Variants in TNRC6B observed in about 807,000 individuals in gnomAD.
The protein encoded by TNRC6B is trinucleotide repeat-containing gene 6B protein.
TNRC6B carries 52 observed loss-of-function variants against 203.6 expected under a neutral mutation model. The ratio of observed to expected loss-of-function variants is 0.26; its 90% CI spans 0.20 to 0.32. TNRC6B has a LOEUF of 0.32. TNRC6B is among the 10% of genes least tolerant of loss of function. The pLI is 1.00. For missense variants in TNRC6B, 1,923 were observed against 2,286.2 expected, an observed-to-expected ratio of 0.84 and a Z score of 3.24; for synonymous variants, 838 against 845.7, an observed-to-expected ratio of 0.99 and a Z score of 0.16.
rs1284130359 is a variant in TNRC6B, at chr22:40,315,959, G to C, written c.4921G>C (p.Gly1641Arg). Residue 1641 changes from glycine to arginine, a missense_variant, in exon 21 of 23, where the codon GGT (glycine) becomes CGT (arginine). This residue lies in a region of TNRC6B where 159 missense variants were observed against 181.0 expected (regional missense o/e 0.88). Coordinates refer to ENST00000454349, the MANE Select transcript of TNRC6B (RefSeq NM_001162501.2). The stretch of plus-strand genomic sequence containing the variant: ...GCTCATAGCCTCTACCTGGAGTGAT[G>C]GTGGCTCAGTTCGTCCTAGTTACTG... The part of the protein sequence containing the change: ...RLASASTWSD[G>R]GSVRPSYWLV... 3 of 1,613,772 alleles carry C rather than the reference G, an allele frequency of 1.9e-6. No individual in the cohort carries two copies. The highest frequency in any genetic ancestry group is 2.5e-6 in the Non-Finnish European group (3 of 1,179,786).
rs145315804 is a variant in TNRC6B, at chr22:40,047,754, C to T, written c.-121+2756C>T. Among the ~76,000 whole-genome samples the T allele has an allele frequency of 8.8e-4, 134 of 152,166 alleles. 3 individuals are homozygous for T. The East Asian group carries it at 0.023, about 26-fold the overall frequency. ...CTCAAGAGTTCAAGGCTTTCAGAGC[C>T]CTTTGTGCAGATTGCTGCTCCAGTC... is the stretch of plus-strand genomic sequence containing the variant. On this transcript the variant is annotated intron_variant, in intron 1 of 23. Coordinates refer to the TNRC6B transcript ENST00000301923.
chr22:40,150,743 C>A (rs143922994), intron 3 of TNRC6B, among the ~76,000 whole-genome samples: 2 of 152,268 alleles, frequency 1.3e-5, no homozygotes, highest in Admixed American at 1.3e-4. Context: ...ATTCCCAGAA[C>A]ACTGAAAGCC....
intron 3 of TNRC6B, among the ~76,000 whole-genome samples, chr22:40,128,386 T>A (rs1315891006): frequency 6.6e-6 from 1 of 152,214 alleles, no homozygotes; most frequent in Non-Finnish European, 1.5e-5. Flanking sequence ...GGATGTCTGT[T>A]AACAGAAGGC....
At chr22:40,182,335 A>C (rs542635769) in intron 1 of TNRC6B, among the ~76,000 whole-genome samples, 109 of 152,316 alleles carry the variant, frequency 7.2e-4, no homozygotes, top group African/African-American at 2.6e-3. Context: ...CTTTAAGTGG[A>C]ACTTGTTTCT....
chr22:40,173,937 G>A (rs1439262114), upstream of TNRC6B, among the ~76,000 whole-genome samples: 1 of 149,380 alleles, frequency 6.7e-6, no homozygotes. Flanking sequence ...CCAAGTAGCT[G>A]GGATTACCAG....
intron 3 of TNRC6B, among the ~76,000 whole-genome samples, chr22:40,150,943 C>T (rs967118009): frequency 3.3e-5 from 5 of 152,152 alleles, no homozygotes; most frequent in Non-Finnish European, 7.3e-5. Flanking sequence ...TTACCCCTCC[C>T]CTCCTACACA....
chr22:40,068,507 G>A (rs554596663), intron 1 of TNRC6B, among the ~76,000 whole-genome samples: 3 of 152,002 alleles, frequency 2.0e-5, no homozygotes, highest in Admixed American at 6.6e-5. Context: ...TAATAGAGAC[G>A]AGGTCTCACC....
rs34140652 is a variant in TNRC6B at position 40,081,307 on chromosome 22, G to GTTT, written c.-120-35730_-120-35728dup. ...ATGATATTCCTTTAAGTGTCTGCGTGTTTTTTTTTTTTTTTTTTTTGCACA... is the reference window on the plus strand; with the variant it reads ...ATGATATTCCTTTAAGTGTCTGCGTGTTTTTTTTTTTTTTTTTTTTTTTGCACA... On this transcript the variant is annotated intron_variant, in intron 1 of 23. Coordinates refer to the TNRC6B transcript ENST00000301923. 2.1e-3 allele frequency among the ~76,000 whole-genome samples: 210 copies of GTTT among 101,412 alleles called. 4 individuals carry two copies. The highest frequency in any genetic ancestry group is 7.2e-3 in the Middle Eastern group (1 of 138). 66.5% of individuals were successfully genotyped at this position (101,412 alleles called of 152,430 possible).
intron 1 of TNRC6B, among the ~76,000 whole-genome samples, chr22:40,221,761 CTT>C (rs138030): frequency 2.8e-4 from 37 of 134,234 alleles, no homozygotes; most frequent in East Asian, 9.5e-4. Flanking sequence ...GCCCCCCCCC[CTT>C]TTTTTTTTTT....
intron 1 of TNRC6B, among the ~76,000 whole-genome samples, chr22:40,100,252 A>C (rs1043090316): frequency 6.6e-6 from 1 of 151,458 alleles, no homozygotes; most frequent in African/African-American, 2.4e-5. Context: ...ACACCCAGCT[A>C]ATTTTTTTTG....
chr22:40,279,981 A>T lies in TNRC6B; in HGVS notation c.3263-14A>T. 3 of 1,613,690 alleles carry T rather than the reference A, an allele frequency of 1.9e-6. No homozygotes were observed. The highest frequency in any genetic ancestry group is 2.5e-6 in the Non-Finnish European group (3 of 1,179,668). On this transcript the variant is annotated splice_polypyrimidine_tract_variant and intron_variant, in intron 9 of 22. Transcript: ENST00000454349. Reference sequence around the variant, plus strand: ...GATTCTGGAAATTTTCACTCTGTGTATGCTACTTTTCAGGAAGCCTTTCAG... The same window carrying T: ...GATTCTGGAAATTTTCACTCTGTGTTTGCTACTTTTCAGGAAGCCTTTCAG...
intron 4 of TNRC6B, among the ~76,000 whole-genome samples, chr22:40,164,851 C>T (rs1297522179): frequency 2.0e-4 from 30 of 149,102 alleles, no homozygotes; most frequent in African/African-American, 5.4e-4. Context: ...GATCTTGGCT[C>T]ACTCACTGCA....
intron 1 of TNRC6B, among the ~76,000 whole-genome samples, chr22:40,104,879 G>A (rs1325344858): frequency 6.6e-6 from 1 of 152,124 alleles, no homozygotes; most frequent in Non-Finnish European, 1.5e-5. Context: ...TTGACCAATC[G>A]CACACTACTA....
chr22:40,197,606 CTTTT>C (rs10715847), intron 1 of TNRC6B, among the ~76,000 whole-genome samples: 3 of 139,414 alleles, frequency 2.2e-5, no homozygotes, highest in Non-Finnish European at 3.1e-5. Flanking sequence ...TTTTCTTTTT[CTTTT>C]TTTTTTTTTT....
intron 4 of TNRC6B, among the ~76,000 whole-genome samples, chr22:40,161,920 G>A (rs2068874602): frequency 1.3e-5 from 2 of 152,096 alleles, no homozygotes; most frequent in African/African-American, 2.4e-5. Context: ...TTAAAACTAT[G>A]ACAGCTTTTA....
chr22:40,261,786 G>C (rs1163835207), intron 3 of TNRC6B, 46 bp from the exon 4 acceptor site: 1 of 1,364,350 alleles, frequency 7.3e-7, no homozygotes, highest in East Asian at 2.5e-5. Context: ...TAGAAAAAAT[G>C]TATTTGATGT....
intron 1 of TNRC6B, among the ~76,000 whole-genome samples, chr22:40,218,324 C>CTTTTCT (rs2069663295): frequency 1.0e-5 from 1 of 97,462 alleles, no homozygotes; most frequent in South Asian, 3.6e-4. Context: ...TTTTTCTTTT[C>CTTTTCT]TTTTTTTTTT....
chr22:40,133,739 C>T (rs1230697579), intron 3 of TNRC6B, among the ~76,000 whole-genome samples: 4 of 151,860 alleles, frequency 2.6e-5, no homozygotes, highest in African/African-American at 7.3e-5. Context: ...GAGGCCGAGG[C>T]GAGCGGATCA....
intron 15 of TNRC6B, chr22:40,301,567 A>G (rs752840082): frequency 5.5e-6 from 3 of 541,558 alleles, no homozygotes; most frequent in Non-Finnish European, 9.7e-6. Flanking sequence ...TCTGGCTCCA[A>G]AGCAGTCTTC....
Sources: allele counts gnomAD v4.1 joint callset (sites outside exome capture counted in the v4.1 genomes callset), GRCh38; gene constraint gnomAD v4.1.1; regional missense constraint gnomAD v4.1.1; transcripts MANE v1.5; gene names NCBI Gene and HGNC (gene_info 2026-07-23, HGNC 2026-07-21).